The following OXR1 variants were observed in gnomAD, a reference collection of about 807,000 sequenced individuals.
OXR1 encodes oxidation resistance 1, also known as oxidation resistance protein 1.
A neutral mutation model predicts 104.6 loss-of-function variants in OXR1; 41 were observed. The observed-to-expected ratio is 0.39, with a 90% CI of 0.31 to 0.51. OXR1 has a LOEUF of 0.51. OXR1 is among the 20% of genes least tolerant of loss of function. The pLI, the probability that OXR1 is intolerant of heterozygous loss-of-function variation, is 0.77. For missense variants in OXR1, 955 were observed against 1,031.9 expected (o/e 0.93, Z 1.02); for synonymous variants, 348 against 348.4 (o/e 1.00, Z 0.01).
chr8:106,288,939 A>C (rs1373477759), intron 1 of OXR1, among the ~76,000 whole-genome samples: 1 of 151,984 alleles, frequency 6.6e-6, no homozygotes, highest in African/African-American at 2.4e-5. Flanking sequence ...ATTGGGAAAA[A>C]AGTGGTGAAT....
At chr8:106,537,867 G>A (rs745765811) in intron 3 of OXR1, among the ~76,000 whole-genome samples, 5 of 152,128 alleles carry the variant, frequency 3.3e-5, no homozygotes, top group Non-Finnish European at 4.4e-5. Context: ...CCTGAATAAA[G>A]AGAGGAAGGA....
At chr8:106,304,451 G>A (rs895530647) in intron 1 of OXR1, among the ~76,000 whole-genome samples, 2 of 152,006 alleles carry the variant, frequency 1.3e-5, no homozygotes, top group Middle Eastern at 6.3e-3. Context: ...AGTTCATTTT[G>A]TTTTAAAGGC....
chr8:106,749,827 C>A (rs368926178), intron 16 of OXR1, among the ~76,000 whole-genome samples: 1 of 151,948 alleles, frequency 6.6e-6, no homozygotes, highest in African/African-American at 2.4e-5. Flanking sequence ...AGAAAGAAGT[C>A]CTCTCATAAC....
intron 16 of OXR1, among the ~76,000 whole-genome samples, chr8:106,750,518 C>T (rs762556957): frequency 1.3e-5 from 2 of 151,524 alleles, no homozygotes; most frequent in East Asian, 3.9e-4. Flanking sequence ...TTAGTAGAGA[C>T]AGGGTTTCTC....
chr8:106,603,993 C>T (rs111226245), intron 3 of OXR1, among the ~76,000 whole-genome samples: 20 of 152,218 alleles, frequency 1.3e-4, no homozygotes, highest in African/African-American at 4.6e-4. Flanking sequence ...GCGGTTGTTG[C>T]AGTGAGCCGA....
intron 1 of OXR1, among the ~76,000 whole-genome samples, chr8:106,337,072 A>C (rs187360751): frequency 6.6e-6 from 1 of 152,232 alleles, no homozygotes; most frequent in Non-Finnish European, 1.5e-5. Flanking sequence ...ATAAAGCATG[A>C]CTTAAAATAT....
intron 3 of OXR1, among the ~76,000 whole-genome samples, chr8:106,530,718 T>C (rs1460021824): frequency 6.6e-6 from 1 of 152,200 alleles, no homozygotes; most frequent in African/African-American, 2.4e-5. Context: ...CTATATATTA[T>C]GTGTACATCT....
intron 2 of OXR1, among the ~76,000 whole-genome samples, chr8:106,506,028 T>C (rs1812135553): frequency 6.6e-6 from 1 of 152,078 alleles, no homozygotes; most frequent in Non-Finnish European, 1.5e-5. Flanking sequence ...AAACTTAAGA[T>C]ATAATTTGGA....
At chr8:106,542,728 T>C (rs186173664) in intron 3 of OXR1, among the ~76,000 whole-genome samples, 196 of 152,184 alleles carry the variant, frequency 1.3e-3, no homozygotes, top group Non-Finnish European at 9.6e-4. Context: ...AACCACGAAG[T>C]AGTATCGCTG....
chr8:106,324,443 G>A (rs1026227754), intron 1 of OXR1, among the ~76,000 whole-genome samples: 1 of 130,612 alleles, frequency 7.7e-6, no homozygotes, highest in Admixed American at 7.3e-5. Context: ...GAAATAATCT[G>A]TACAACAACC....
At chr8:106,498,722 G>T (rs1811576829) in intron 2 of OXR1, among the ~76,000 whole-genome samples, 1 of 151,988 alleles carries the variant, frequency 6.6e-6, no homozygotes, top group Non-Finnish European at 1.5e-5. Flanking sequence ...GATGCATCTG[G>T]GCACTCATTG....
chr8:106,368,421 A>G (rs977285020), intron 2 of OXR1, among the ~76,000 whole-genome samples: 1 of 151,792 alleles, frequency 6.6e-6, no homozygotes, highest in African/African-American at 2.4e-5. Flanking sequence ...TTTATTTTTT[A>G]TTTTTATTTT....
intron 1 of OXR1, among the ~76,000 whole-genome samples, chr8:106,318,642 G>A (rs994221700): frequency 1.3e-5 from 2 of 152,124 alleles, no homozygotes; most frequent in Non-Finnish European, 2.9e-5. Context: ...AGTGAGGAGG[G>A]CATCTTGCAT....
intron 1 of OXR1, among the ~76,000 whole-genome samples, chr8:106,324,319 T>G (rs1814365256): frequency 6.6e-6 from 1 of 152,046 alleles, no homozygotes; most frequent in African/African-American, 2.4e-5. Flanking sequence ...ATAAAACTTA[T>G]GAACACAAAG....
At chr8:106,383,825 C>T (rs1368636205) in intron 2 of OXR1, among the ~76,000 whole-genome samples, 1 of 152,102 alleles carries the variant, frequency 6.6e-6, no homozygotes, top group Non-Finnish European at 1.5e-5. Context: ...ATCATTTTAT[C>T]ATGTAGCACT....
At chr8:106,356,696 T>C (rs915905343) in intron 1 of OXR1, among the ~76,000 whole-genome samples, 3 of 149,840 alleles carry the variant, frequency 2.0e-5, no homozygotes, top group African/African-American at 5.0e-5. Flanking sequence ...ATCTGTGTGC[T>C]TATTTAAAAA....
intron 1 of OXR1, among the ~76,000 whole-genome samples, chr8:106,352,587 G>T (rs1211293872): frequency 6.6e-6 from 1 of 152,170 alleles, no homozygotes; most frequent in African/African-American, 2.4e-5. Flanking sequence ...TTCAGTATGA[G>T]ATTGGCTGAT....
intron 2 of OXR1, among the ~76,000 whole-genome samples, chr8:106,394,847 C>T (rs985779292): frequency 2.0e-5 from 3 of 152,082 alleles, no homozygotes; most frequent in Non-Finnish European, 4.4e-5. Context: ...TGACTCTATA[C>T]ATTTCTCGAA....
intron 2 of OXR1, among the ~76,000 whole-genome samples, chr8:106,384,494 C>T (rs1817285924): frequency 6.6e-6 from 1 of 152,150 alleles, no homozygotes; most frequent in Non-Finnish European, 1.5e-5. Context: ...GACTTCATAG[C>T]TTCATCGAGT....
Sources: allele counts gnomAD v4.1 joint callset (sites outside exome capture counted in the v4.1 genomes callset), GRCh38; gene constraint gnomAD v4.1.1; transcripts MANE v1.5; gene names NCBI Gene and HGNC (gene_info 2026-07-23, HGNC 2026-07-21).